Variants in AFG2A observed in about 807,000 individuals in gnomAD.
AFG2A encodes AAA ATPase AFG2A, also known as ATPase family gene 2 protein homolog A.
chr4:123,192,706 C>T, the AFG2A span, among the ~76,000 whole-genome samples: 1 of 152,192 alleles, frequency 6.6e-6, no homozygotes, highest in Admixed American at 6.5e-5. Flanking sequence ...AGTCTAGCTT[C>T]TCTCCCCCTG....
the AFG2A span, among the ~76,000 whole-genome samples, chr4:122,955,244 C>T: frequency 3.2e-4 from 49 of 152,272 alleles, no homozygotes; most frequent in Middle Eastern, 3.4e-3. Flanking sequence ...TGGCACCCTC[C>T]GTGCAGCAGC....
chr4:123,206,232 G>A, the AFG2A span, among the ~76,000 whole-genome samples: 1 of 151,962 alleles, frequency 6.6e-6, no homozygotes, highest in African/African-American at 2.4e-5. Flanking sequence ...AAAATGTTAT[G>A]TTAAATTTGA....
At chr4:123,107,576 C>G in the AFG2A span, among the ~76,000 whole-genome samples, 1 of 152,222 alleles carries the variant, frequency 6.6e-6, no homozygotes, top group East Asian at 1.9e-4. Flanking sequence ...AGCCCAGCCC[C>G]CAGGCTTCAG....
At chr4:123,016,490 C>T in the AFG2A span, among the ~76,000 whole-genome samples, 7 of 149,900 alleles carry the variant, frequency 4.7e-5, no homozygotes, top group African/African-American at 7.4e-5. Flanking sequence ...GACGGGGTGG[C>T]GGGGCAGAGG....
chr4:123,142,945 T>C, the AFG2A span, among the ~76,000 whole-genome samples: 1 of 152,134 alleles, frequency 6.6e-6, no homozygotes, highest in East Asian at 1.9e-4. Context: ...AGTTGGAAAA[T>C]TCAAGACCTG....
chr4:123,067,090 T>C, the AFG2A span, among the ~76,000 whole-genome samples: 1 of 152,140 alleles, frequency 6.6e-6, no homozygotes, highest in Non-Finnish European at 1.5e-5. Context: ...ACCTTTAAAA[T>C]CAAAGTTTGC....
the AFG2A span, among the ~76,000 whole-genome samples, chr4:123,304,067 A>G: frequency 8.5e-5 from 13 of 152,058 alleles, no homozygotes; most frequent in African/African-American, 2.7e-4. Context: ...GTGAAGTGGC[A>G]TTTTAAAAAT....
At chr4:123,284,251 T>C in the AFG2A span, among the ~76,000 whole-genome samples, 1 of 152,322 alleles carries the variant, frequency 6.6e-6, no homozygotes, top group East Asian at 1.9e-4. Flanking sequence ...GTCCCATTTT[T>C]AACCTATTTG....
At chr4:123,242,328 C>T in the AFG2A span, among the ~76,000 whole-genome samples, 1 of 152,168 alleles carries the variant, frequency 6.6e-6, no homozygotes. Context: ...AACAACAAAG[C>T]TGGAGGCATC....
chr4:123,254,886 T>C, the AFG2A span, among the ~76,000 whole-genome samples: 1 of 152,184 alleles, frequency 6.6e-6, no homozygotes, highest in Admixed American at 6.5e-5. Context: ...TATTCTTTTA[T>C]TAGAACTCTG....
chr4:123,132,769 T>G, the AFG2A span, among the ~76,000 whole-genome samples: 1,023 of 150,226 alleles, frequency 6.8e-3, 7 homozygotes, highest in African/African-American at 0.023. Context: ...TTCCGCATAA[T>G]GATTTCAATC....
the AFG2A span, among the ~76,000 whole-genome samples, chr4:123,159,517 T>A: frequency 2.0e-5 from 3 of 152,188 alleles, no homozygotes; most frequent in African/African-American, 7.2e-5. Flanking sequence ...TTTCTGCATT[T>A]AAAAAATGAA....
At chr4:123,298,667 C>G in the AFG2A span, among the ~76,000 whole-genome samples, 2 of 152,188 alleles carry the variant, frequency 1.3e-5, no homozygotes, top group African/African-American at 4.8e-5. Context: ...ATGTTTATTA[C>G]AGCATGTAAA....
the AFG2A span, among the ~76,000 whole-genome samples, chr4:123,111,685 A>G: frequency 1.3e-5 from 2 of 152,150 alleles, no homozygotes; most frequent in Admixed American, 6.6e-5. Flanking sequence ...TTAATATTAT[A>G]CAAGTATTAG....
the AFG2A span, among the ~76,000 whole-genome samples, chr4:123,021,547 T>C: frequency 1.1e-3 from 174 of 152,346 alleles, 1 homozygote; most frequent in Non-Finnish European, 1.8e-4. Context: ...ATCACTTGAT[T>C]GATGTGTTTC....
the AFG2A span, among the ~76,000 whole-genome samples, chr4:123,059,422 A>C: frequency 2.9e-4 from 43 of 149,352 alleles, no homozygotes; most frequent in Non-Finnish European, 4.1e-4. Context: ...TTTGTTCTTG[A>C]GATAGTTTAC....
the AFG2A span, among the ~76,000 whole-genome samples, chr4:123,102,877 C>T: frequency 6.8e-6 from 1 of 146,800 alleles, no homozygotes; most frequent in Non-Finnish European, 1.5e-5. Context: ...TAATAGAAAA[C>T]CTAGTTCCTT....
the AFG2A span, among the ~76,000 whole-genome samples, chr4:123,271,522 G>A: frequency 6.6e-6 from 1 of 152,218 alleles, no homozygotes; most frequent in African/African-American, 2.4e-5. Context: ...GGGATTCCAT[G>A]TGGATATTGT....
the AFG2A span, among the ~76,000 whole-genome samples, chr4:123,213,478 A>G: frequency 6.6e-6 from 1 of 152,182 alleles, no homozygotes; most frequent in African/African-American, 2.4e-5. Context: ...GGACACTCCA[A>G]CAAAACTAGT....
Sources: gnomAD v4.1 joint callset for allele counts (sites outside exome capture counted in the v4.1 genomes callset) on GRCh38, gnomAD v4.1.1 for gene constraint, MANE v1.5 for transcripts, NCBI Gene and HGNC (gene_info 2026-07-23, HGNC 2026-07-21) for gene names.